HK1: variants seen among roughly 807,000 people sequenced by gnomAD.
HK1 encodes the protein hexokinase 1, also known as hexokinase-1.
HK1 carries 28 observed loss-of-function variants against 91.6 expected under a neutral mutation model. The observed-to-expected ratio is 0.31, with a 90% CI of 0.23 to 0.42. HK1 has a LOEUF of 0.42. Ranked by LOEUF, HK1 falls within the 10% of genes least tolerant of loss-of-function variation. The pLI is 1.00. For missense variants in HK1, 770 were observed against 1,219.8 expected (o/e 0.63, Z 5.49); for synonymous variants, 430 against 468.1 (o/e 0.92, Z 1.05).
chr10:69,271,571 G>A (rs957059611), intron 1 of HK1, among the ~76,000 whole-genome samples: 3 of 151,120 alleles, frequency 2.0e-5, no homozygotes, highest in African/African-American at 7.3e-5. Flanking sequence ...CTGCCTCCTG[G>A]GTTCATGCCA....
intron 2 of HK1, among the ~76,000 whole-genome samples, chr10:69,283,658 G>GTA (rs1172476999): frequency 6.6e-6 from 1 of 151,014 alleles, no homozygotes; most frequent in African/African-American, 2.4e-5. Flanking sequence ...GCAGGCAACT[G>GTA]TAGTCCCAGC....
In HK1 at chr10:69,369,392, T is replaced by A; in HGVS notation, c.692-49T>A. Reference sequence around the variant, plus strand: ...TTCGGCCCATCTTTCCAGGTGGCTCTGCACCCTCCCCGTTGTGTGGTCATA... The same window carrying A: ...TTCGGCCCATCTTTCCAGGTGGCTCAGCACCCTCCCCGTTGTGTGGTCATA... On this transcript the variant is annotated intron_variant, in intron 6 of 17. Coordinates refer to ENST00000359426, the MANE Select transcript of HK1 (RefSeq NM_000188.3). This position sits in a 1 kb window ranked among gnomAD's most constrained non-coding sequence, Gnocchi z 4.4. The A allele has an allele frequency of 6.2e-7, 1 of 1,613,880 alleles. No homozygotes were observed.
intron 8 of HK1, among the ~76,000 whole-genome samples, chr10:69,379,475 C>T (rs530052552): frequency 1.3e-5 from 2 of 152,306 alleles, no homozygotes; most frequent in Admixed American, 6.5e-5. Flanking sequence ...CACTGAGAGA[C>T]ATCAAGGAAG....
At chr10:69,391,235 C>A (rs760859010) in intron 14 of HK1, among the ~76,000 whole-genome samples, 4 of 152,188 alleles carry the variant, frequency 2.6e-5, no homozygotes, top group African/African-American at 9.7e-5. Flanking sequence ...CTTTTGAAAG[C>A]CCCCCTTGAA....
In HK1 at chr10:69,359,993, A is replaced by C. The variant is rs1849332580; in HGVS notation, c.323A>C (p.Glu108Ala). 1.2e-6 allele frequency: 2 copies of C among 1,614,172 alleles called. No individual in the cohort carries two copies. Among genetic ancestry groups the C allele is most frequent in the South Asian group, 2.2e-5 (2 of 91,084 alleles). Reference sequence around the variant, plus strand: ...GAGAAAAACCAGAATGTTCACATGGAGTCCGAGGTTTATGACACCCCAGAG... The same window carrying C: ...GAGAAAAACCAGAATGTTCACATGGCGTCCGAGGTTTATGACACCCCAGAG... Reference protein sequence around the residue: ...NHEKNQNVHMESEVYDTPENI... With the variant: ...NHEKNQNVHMASEVYDTPENI... The change falls in exon 3 of 18, where the codon GAG becomes GCG. Residue 108 changes from glutamate to alanine, a missense_variant. Glu to Ala is a moderately radical substitution (Grantham distance 107). This residue lies in a region of HK1 where 449 missense variants were observed against 665.1 expected (regional missense o/e 0.68). Coordinates refer to ENST00000359426, the MANE Select transcript of HK1 (RefSeq NM_000188.3).
Position 69,345,360 on chromosome 10 carries a change from G to A in HK1, c.226+1371G>A, listed in dbSNP as rs142718017. ...CTGGCCATCAGAGTGAATAGACTGT[G>A]GTCTACCCTGGGTGTGTTCGCTTGT... On this transcript the variant is annotated intron_variant, in intron 2 of 17. Coordinates refer to ENST00000359426, the MANE Select transcript of HK1 (RefSeq NM_000188.3). Among the ~76,000 whole-genome samples, 611 of 152,218 alleles carry A rather than the reference G, an allele frequency of 4.0e-3. 4 individuals are homozygous for A. Among genetic ancestry groups the A allele is most frequent in the African/African-American group, 0.014 (588 of 41,524 alleles).
rs113669374 is a variant in HK1, at chr10:69,367,439, C to T, written c.496-1097C>T. 4.0e-3 allele frequency among the ~76,000 whole-genome samples: 605 copies of T among 152,276 alleles called. 2 individuals carry two copies. Among genetic ancestry groups the T allele is most frequent in the Middle Eastern group, 0.024 (7 of 294 alleles). On this transcript the variant is annotated intron_variant, in intron 4 of 17. Coordinates refer to ENST00000359426, the MANE Select transcript of HK1 (RefSeq NM_000188.3). ...AATGGGCAGACAGTATGAAGTGGGA[C>T]CAGGTCTCCAGATTGCCAGCCCCAC...
At chr10:69,329,996 T>C (rs1564517089) in intron 1 of HK1, among the ~76,000 whole-genome samples, 1 of 149,338 alleles carries the variant, frequency 6.7e-6, no homozygotes, top group African/African-American at 2.5e-5. Context: ...CTCCCATTCT[T>C]GTCTGCATTT....
chr10:69,307,287 C>G (rs73263684), intron 5 of HK1, among the ~76,000 whole-genome samples: 1 of 152,080 alleles, frequency 6.6e-6, no homozygotes, highest in Non-Finnish European at 1.5e-5. Context: ...CCCCACCCCC[C>G]GGGGGAGGGC....
chr10:69,384,283 A>G, intron 10 of HK1, 50 bp from the exon 11 acceptor site: 2 of 1,613,238 alleles, frequency 1.2e-6, no homozygotes, highest in Non-Finnish European at 1.7e-6. Flanking sequence ...ACTGGCTGCC[A>G]AGAGGCACTT....
chr10:69,320,501 G>A (rs1215802047), intron 1 of HK1, among the ~76,000 whole-genome samples: 2 of 152,152 alleles, frequency 1.3e-5, no homozygotes, highest in Non-Finnish European at 2.9e-5. Context: ...GGAGCTGTGC[G>A]TGCGGGTGTG....
chr10:69,325,329 G>A (rs569464239), intron 1 of HK1, among the ~76,000 whole-genome samples: 3 of 150,650 alleles, frequency 2.0e-5, no homozygotes, highest in Middle Eastern at 3.2e-3. Flanking sequence ...GGGATTACAG[G>A]TGTGAGCCAC....
chr10:69,357,531 A>T (rs1218052261), intron 2 of HK1, among the ~76,000 whole-genome samples: 2 of 152,128 alleles, frequency 1.3e-5, no homozygotes, highest in Admixed American at 1.3e-4. Flanking sequence ...GCTCACTGCA[A>T]CCTCTGTCTC....
upstream of HK1, chr10:69,318,761 C>A: frequency 8.3e-7 from 1 of 1,203,264 alleles, no homozygotes. Flanking sequence ...GGCTGTCACC[C>A]TCCAGGGGAC....
chr10:69,285,592 T>C (rs1480782986), intron 2 of HK1, among the ~76,000 whole-genome samples: 1 of 152,146 alleles, frequency 6.6e-6, no homozygotes, highest in Non-Finnish European at 1.5e-5. Context: ...GAAGCTGTGT[T>C]ATGATGGTGC....
intron 5 of HK1, among the ~76,000 whole-genome samples, chr10:69,368,970 G>A (rs746306139): frequency 7.2e-5 from 11 of 152,222 alleles, no homozygotes; most frequent in Non-Finnish European, 1.3e-4. Flanking sequence ...ACCTCCTGTG[G>A]AGGTTTGCAG....
At chr10:69,311,111 A>C (rs925003667), upstream of HK1, among the ~76,000 whole-genome samples, 2 of 152,096 alleles carry the variant, frequency 1.3e-5, no homozygotes, top group Non-Finnish European at 2.9e-5. Context: ...ATACAGATGA[A>C]GCCTCCAGAT....
intron 2 of HK1, among the ~76,000 whole-genome samples, chr10:69,350,207 G>T (rs889670701): frequency 2.0e-5 from 3 of 152,224 alleles, no homozygotes; most frequent in African/African-American, 4.8e-5. Flanking sequence ...GGTGACTTGG[G>T]ATGCCCCTGG....
In HK1 at chr10:69,401,396, A is replaced by G; in HGVS notation, c.*261A>G. The G allele has an allele frequency of 1.8e-6, 1 of 568,366 alleles. No individual in the cohort carries two copies. 35.2% of individuals were successfully genotyped at this position (568,366 alleles called of 1,614,324 possible). ...TTTTGACCTGGTCCCCCACGTGTGA[A>G]GTGTAGTGGCATCCATTTCTAATGT... is the stretch of plus-strand genomic sequence containing the variant. On this transcript the variant is annotated 3_prime_UTR_variant, in exon 18 of 18. Coordinates refer to ENST00000359426, the MANE Select transcript of HK1 (RefSeq NM_000188.3).
Sources: gnomAD v4.1 joint callset for allele counts (sites outside exome capture counted in the v4.1 genomes callset) on GRCh38, gnomAD v4.1.1 for gene constraint, gnomAD v4.1.1 regional missense constraint, Gnocchi (gnomAD v3.1) non-coding constraint, MANE v1.5 for transcripts, NCBI Gene and HGNC (gene_info 2026-07-23, HGNC 2026-07-21) for gene names.